The following SORCS2 variants were observed in gnomAD, a reference collection of about 807,000 sequenced individuals.
SORCS2 encodes the protein sortilin related VPS10 domain containing receptor 2.
SORCS2 carries 100 observed loss-of-function variants against 141.6 expected under a neutral mutation model. The ratio of observed to expected loss-of-function variants is 0.71; its 90% CI spans 0.60 to 0.83. SORCS2 has a LOEUF of 0.83. SORCS2 is among the 40% of genes least tolerant of loss of function. The pLI is 0.00. For synonymous variants in SORCS2, 789 were observed against 676.9 expected, an observed-to-expected ratio of 1.17 and a Z score of -2.57; for missense variants, 1,646 against 1,560.2, an observed-to-expected ratio of 1.05 and a Z score of -0.93.
chr4:7,681,135 C>T lies in SORCS2; in HGVS notation c.1342-1608C>T, dbSNP rs993365440. Among the ~76,000 whole-genome samples, 18 of 152,266 alleles carry T rather than the reference C, an allele frequency of 1.2e-4. 1 individual carries two copies. Among genetic ancestry groups the T allele is most frequent in the Admixed American group, 1.1e-3 (17 of 15,290 alleles). ...AATGTATTTTACTTGAAGACTGATG[C>T]GTGTCCTTGGGGGTCAGGGGAGGGA... On this transcript the variant is annotated intron_variant, in intron 9 of 26. Transcript: ENST00000507866.
intron 2 of SORCS2, among the ~76,000 whole-genome samples, chr4:7,472,932 AAAT>A (rs1489727941): frequency 1.3e-5 from 2 of 151,974 alleles, no homozygotes; most frequent in Non-Finnish European, 2.9e-5. Flanking sequence ...AAAAAAAACA[AAAT>A]AGCCCTGGAG....
At chr4:7,710,177 C>T (rs1307402040) in intron 14 of SORCS2, among the ~76,000 whole-genome samples, 2 of 152,118 alleles carry the variant, frequency 1.3e-5, no homozygotes, top group Admixed American at 6.5e-5. Flanking sequence ...CCAATGGAGC[C>T]CCAGTGTCAT....
chr4:7,433,234 T>G (rs915897871), intron 2 of SORCS2: 3 of 1,309,586 alleles, frequency 2.3e-6, no homozygotes, highest in African/African-American at 3.0e-5. Flanking sequence ...AGCTTCAGTT[T>G]TTCATTTGTG....
At chr4:7,602,615 G>C (rs1451205123) in intron 3 of SORCS2, among the ~76,000 whole-genome samples, 5 of 151,184 alleles carry the variant, frequency 3.3e-5, no homozygotes, top group African/African-American at 1.2e-4. Flanking sequence ...GCCGGGAAGA[G>C]GCGCTCCTCA....
At chr4:7,227,996 C>T (rs76081104) in intron 1 of SORCS2, among the ~76,000 whole-genome samples, 3,622 of 152,226 alleles carry the variant, frequency 0.024, 90 homozygotes, top group Non-Finnish European at 0.033. Context: ...CGGGAGCAAG[C>T]GGGAGCTCAT....
In SORCS2 at chr4:7,703,154, C is replaced by G. The variant is rs75041172; in HGVS notation, c.1669-126C>G. Reference sequence around the variant, plus strand: ...CGGGACATGCAGGGAACCCTCAGACCGGCCTTGGCCTCTGCCAACAACCCC... The same window carrying G: ...CGGGACATGCAGGGAACCCTCAGACGGGCCTTGGCCTCTGCCAACAACCCC... On this transcript the variant is annotated intron_variant, in intron 12 of 26. Coordinates refer to ENST00000507866, the MANE Select transcript of SORCS2 (RefSeq NM_020777.3). The G allele has an allele frequency of 2.1e-3, 1,438 of 690,102 alleles. 20 individuals carry two copies. The African/African-American group carries it at 0.024, about 12-fold the overall frequency. 42.7% of individuals were successfully genotyped at this position (690,102 alleles called of 1,614,324 possible).
chr4:7,492,241 C>T (rs996122180), intron 2 of SORCS2, among the ~76,000 whole-genome samples: 4 of 152,224 alleles, frequency 2.6e-5, no homozygotes, highest in South Asian at 2.1e-4. Flanking sequence ...CTCCCTGCCT[C>T]GCCCAGCCCC....
At chr4:7,212,945 G>A (rs1436905868) in intron 1 of SORCS2, among the ~76,000 whole-genome samples, 1 of 152,224 alleles carries the variant, frequency 6.6e-6, no homozygotes, top group Non-Finnish European at 1.5e-5. Flanking sequence ...GCCCACCTGG[G>A]GGGAACAACC....
chr4:7,489,738 C>T (rs568939620), intron 2 of SORCS2, among the ~76,000 whole-genome samples: 23 of 126,970 alleles, frequency 1.8e-4, no homozygotes, highest in East Asian at 1.2e-3. Context: ...TGTTCACAGA[C>T]GGAGTCTGTG....
At chr4:7,496,825 G>A (rs1210782346) in intron 2 of SORCS2, among the ~76,000 whole-genome samples, 1 of 152,128 alleles carries the variant, frequency 6.6e-6, no homozygotes, top group Non-Finnish European at 1.5e-5. Context: ...AAAGTGGTGA[G>A]CGGCTGGGGA....
intron 17 of SORCS2, 73 bp downstream of exon 17, chr4:7,715,384 T>C (rs1480195663): frequency 1.3e-5 from 20 of 1,577,282 alleles, no homozygotes; most frequent in Admixed American, 5.2e-5. Flanking sequence ...AAACCACGCC[T>C]TCCTGGCTGG....
In SORCS2 at chr4:7,712,945, G is replaced by A. The variant is rs558506349; in HGVS notation, c.1989+92G>A. 196 of 1,526,384 alleles carry A rather than the reference G, an allele frequency of 1.3e-4. 1 individual carries two copies. The African/African-American group carries it at 1.3e-3, about 10-fold the overall frequency. The allele number at this position is 1,526,384 out of a possible 1,614,324, so 94.6% of individuals were successfully genotyped here. ...TGCCAAAGTCCTCCCCTGCAAGGCC[G>A]CAGGGCACCTCCCCGCCTCCAAGAA... On this transcript the variant is annotated intron_variant, in intron 15 of 26. Transcript: ENST00000507866.
chr4:7,282,946 C>G (rs573003911), intron 1 of SORCS2, among the ~76,000 whole-genome samples: 2 of 152,334 alleles, frequency 1.3e-5, no homozygotes, highest in African/African-American at 4.8e-5. Context: ...TTCACTGATT[C>G]ATTCACACTC....
chr4:7,266,539 A>T (rs1465845553), intron 1 of SORCS2, among the ~76,000 whole-genome samples: 1 of 152,096 alleles, frequency 6.6e-6, no homozygotes, highest in East Asian at 1.9e-4. Flanking sequence ...AGTAGTTCCT[A>T]CCCAAAGCAT....
chr4:7,646,370 AC>A (rs975499364), intron 4 of SORCS2, among the ~76,000 whole-genome samples: 38 of 152,100 alleles, frequency 2.5e-4, no homozygotes, highest in African/African-American at 8.9e-4. Context: ...TGAAATTCTA[AC>A]CCCTGGTACA....
At chr4:7,655,982 G>A (rs888250709) in intron 5 of SORCS2, among the ~76,000 whole-genome samples, 3 of 152,244 alleles carry the variant, frequency 2.0e-5, no homozygotes, top group Non-Finnish European at 2.9e-5. Flanking sequence ...GCTGTTACTC[G>A]AGGGAATCAC....
intron 16 of SORCS2, 110 bp downstream of exon 16, chr4:7,714,483 C>A (rs573684876): frequency 1.6e-6 from 2 of 1,238,640 alleles, no homozygotes; most frequent in African/African-American, 1.5e-5. Flanking sequence ...CCTTTTATAA[C>A]CTGGTGTCAC....
At chr4:7,611,217 T>C (rs1011130139) in intron 3 of SORCS2, among the ~76,000 whole-genome samples, 3 of 152,172 alleles carry the variant, frequency 2.0e-5, no homozygotes, top group African/African-American at 7.2e-5. Flanking sequence ...CTCAGCACCT[T>C]GCAGGTGGAG....
chr4:7,352,524 T>C (rs552502993), intron 1 of SORCS2, among the ~76,000 whole-genome samples: 1 of 152,310 alleles, frequency 6.6e-6, no homozygotes, highest in South Asian at 2.1e-4. Flanking sequence ...CAGGAGGTCT[T>C]TCTTGGGCTT....
Sources: gnomAD v4.1 joint callset for allele counts (sites outside exome capture counted in the v4.1 genomes callset) on GRCh38, gnomAD v4.1.1 for gene constraint, MANE v1.5 for transcripts, NCBI Gene and HGNC (gene_info 2026-07-23, HGNC 2026-07-21) for gene names.